Variants in TBCK observed in about 807,000 individuals in gnomAD.
TBCK encodes TBC domain-containing protein kinase-like protein.
In TBCK, 99 loss-of-function variants were observed where a neutral mutation model predicts 113.4. That is an observed-to-expected ratio of 0.87 (90% CI 0.74 to 1.03). TBCK has a LOEUF of 1.03. TBCK is among the 50% of genes least tolerant of loss of function. The pLI is 0.00. For synonymous variants in TBCK, 369 were observed against 370.8 expected (o/e 1.00, Z 0.05); for missense variants, 1,045 against 1,061.3 (o/e 0.98, Z 0.21).
At chr4:106,249,908 A>C (rs1761240270) in intron 7 of TBCK, among the ~76,000 whole-genome samples, 1 of 152,098 alleles carries the variant, frequency 6.6e-6, no homozygotes, top group Non-Finnish European at 1.5e-5. Context: ...ATTACCAAAC[A>C]TGCTTAATTA....
At chr4:106,202,452 T>C (rs1754996247) in intron 20 of TBCK, among the ~76,000 whole-genome samples, 1 of 152,008 alleles carries the variant, frequency 6.6e-6, no homozygotes, top group African/African-American at 2.4e-5. Context: ...TTCAAGAAGA[T>C]ATGAAAGATG....
chr4:106,049,425 G>A (rs1159631206), intron 25 of TBCK, among the ~76,000 whole-genome samples: 1 of 151,962 alleles, frequency 6.6e-6, no homozygotes, highest in Non-Finnish European at 1.5e-5. Flanking sequence ...GACTCTTAAA[G>A]GGAATGAGAA....
At chr4:106,286,976 C>T (rs1765177830) in intron 3 of TBCK, among the ~76,000 whole-genome samples, 2 of 152,120 alleles carry the variant, frequency 1.3e-5, no homozygotes, top group African/African-American at 2.4e-5. Flanking sequence ...CAACTTCTTT[C>T]GCCTCAGTTC....
intron 24 of TBCK, among the ~76,000 whole-genome samples, chr4:106,101,654 C>CT (rs943530284): frequency 6.6e-6 from 1 of 151,938 alleles, no homozygotes; most frequent in African/African-American, 2.4e-5. Flanking sequence ...TAGATACTAA[C>CT]TTTTTTTTAA....
intron 25 of TBCK, among the ~76,000 whole-genome samples, chr4:106,089,455 A>T (rs1308068569): frequency 2.6e-5 from 4 of 152,102 alleles, no homozygotes; most frequent in Admixed American, 6.5e-5. Flanking sequence ...TGATCCCCTA[A>T]GTCTTATGTC....
intron 23 of TBCK, among the ~76,000 whole-genome samples, chr4:106,151,475 G>A (rs1024212102): frequency 6.6e-6 from 1 of 151,784 alleles, no homozygotes; most frequent in Non-Finnish European, 1.5e-5. Flanking sequence ...CTGTCTTTTT[G>A]TGCTTGACTT....
At chr4:106,200,728 T>C (rs1283304878) in intron 20 of TBCK, among the ~76,000 whole-genome samples, 8 of 152,126 alleles carry the variant, frequency 5.3e-5, no homozygotes, top group African/African-American at 9.7e-5. Flanking sequence ...TTATTGCTGA[T>C]ATATTATCCA....
At chr4:106,260,142 T>A (rs1762368744) in intron 5 of TBCK, among the ~76,000 whole-genome samples, 1 of 151,944 alleles carries the variant, frequency 6.6e-6, no homozygotes, top group African/African-American at 2.4e-5. Flanking sequence ...CCTTCTTGCC[T>A]TAAGTTGATT....
chr4:106,257,713 G>C (rs530512216), intron 5 of TBCK, among the ~76,000 whole-genome samples: 1 of 152,092 alleles, frequency 6.6e-6, no homozygotes, highest in Non-Finnish European at 1.5e-5. Flanking sequence ...AGTGGAAGCA[G>C]CACTAGACTA....
At chr4:106,243,377 G>A (rs949388930) in intron 11 of TBCK, among the ~76,000 whole-genome samples, 14 of 152,058 alleles carry the variant, frequency 9.2e-5, no homozygotes, top group African/African-American at 3.4e-4. Flanking sequence ...TAACCTCATA[G>A]AAGAAAGGAT....
intron 11 of TBCK, among the ~76,000 whole-genome samples, chr4:106,243,839 A>C (rs1436669762): frequency 1.3e-5 from 2 of 151,916 alleles, no homozygotes; most frequent in Non-Finnish European, 2.9e-5. Context: ...CAGGCACACA[A>C]CACCACGCCC....
chr4:106,297,082 A>C (rs923408464), intron 2 of TBCK, among the ~76,000 whole-genome samples: 1 of 151,936 alleles, frequency 6.6e-6, no homozygotes, highest in African/African-American at 2.4e-5. Flanking sequence ...TCCTCTGTAA[A>C]TCTTTACCTC....
chr4:106,257,462 T>C (rs1762113793), intron 5 of TBCK, among the ~76,000 whole-genome samples: 1 of 152,170 alleles, frequency 6.6e-6, no homozygotes, highest in Non-Finnish European at 1.5e-5. Context: ...TTGCTAGTAC[T>C]TCTTATTTAC....
chr4:106,174,654 T>C (rs1751424812), intron 22 of TBCK, among the ~76,000 whole-genome samples: 1 of 152,150 alleles, frequency 6.6e-6, no homozygotes, highest in African/African-American at 2.4e-5. Context: ...TGATAATTTG[T>C]TTCTTTTTAA....
chr4:106,162,046 G>A (rs1190730025), intron 23 of TBCK, among the ~76,000 whole-genome samples: 2 of 152,022 alleles, frequency 1.3e-5, no homozygotes, highest in South Asian at 2.1e-4. Flanking sequence ...TTCTACCTAC[G>A]AGACTGTAAA....
intron 3 of TBCK, among the ~76,000 whole-genome samples, chr4:106,273,296 T>C (rs1410120219): frequency 6.6e-6 from 1 of 152,236 alleles, no homozygotes; most frequent in Non-Finnish European, 1.5e-5. Context: ...ATGAGATATA[T>C]GCCTCACAGC....
chr4:106,108,608 TC>T (rs1382185032), intron 24 of TBCK, among the ~76,000 whole-genome samples: 2 of 152,148 alleles, frequency 1.3e-5, no homozygotes, highest in Admixed American at 1.3e-4. Flanking sequence ...GGAATATACT[TC>T]AAAATAATAA....
At chr4:106,094,374 A>G (rs1037228091) in intron 25 of TBCK, among the ~76,000 whole-genome samples, 2 of 152,130 alleles carry the variant, frequency 1.3e-5, no homozygotes, top group Non-Finnish European at 1.5e-5. Context: ...TTTGCCTCCC[A>G]GGTGGTAAAA....
At chr4:106,091,607 G>A (rs183813003) in intron 25 of TBCK, among the ~76,000 whole-genome samples, 9 of 152,112 alleles carry the variant, frequency 5.9e-5, no homozygotes, top group African/African-American at 1.7e-4. Flanking sequence ...CTCTTAAGGC[G>A]GCACATCTGG....
Sources: gnomAD v4.1 joint callset for allele counts (sites outside exome capture counted in the v4.1 genomes callset) on GRCh38, gnomAD v4.1.1 for gene constraint, MANE v1.5 for transcripts, NCBI Gene and HGNC (gene_info 2026-07-23, HGNC 2026-07-21) for gene names.